Variants in PCDHGA2 observed in about 807,000 individuals in gnomAD.
The protein encoded by PCDHGA2 is protocadherin gamma-A2.
In PCDHGA2, 40 loss-of-function variants were observed where a neutral mutation model predicts 59.2. That is an observed-to-expected ratio of 0.68 (90% confidence interval 0.52 to 0.88). PCDHGA2 has a LOEUF of 0.88. PCDHGA2 is among the 40% of genes least tolerant of loss of function. The pLI is 0.00. For missense variants in PCDHGA2, 1,226 were observed against 1,204.0 expected, an observed-to-expected ratio of 1.02 and a Z score of -0.27; for synonymous variants, 560 against 526.0, an observed-to-expected ratio of 1.06 and a Z score of -0.89.
Position 141,372,598 on chromosome 5 carries a change from C to CTGTA in PCDHGA2, c.2424+31204_2424+31207dup, listed in dbSNP as rs763694061. The CTGTA allele has an allele frequency of 6.2e-6, 10 of 1,614,046 alleles. No individual in the cohort carries two copies. In the South Asian group the frequency reaches 1.1e-4, roughly 18 times the overall value. On this transcript the variant is annotated intron_variant, in intron 1 of 3. Coordinates refer to ENST00000394576, the MANE Select transcript of PCDHGA2 (RefSeq NM_018915.4). ...TTTCAGCCTGGTGTCTGCTTCAAGA[C>CTGTA]TGTACCTGGAGTTCTCCCCACCTAC...
chr5:141,507,781 C>A (rs2099863256), intron 3 of PCDHGA2, among the ~76,000 whole-genome samples: 1 of 152,214 alleles, frequency 6.6e-6, no homozygotes, highest in South Asian at 2.1e-4. Flanking sequence ...CAGGGCCTGA[C>A]CCTCGTCTAA....
chr5:141,339,825 C>T lies in PCDHGA2; in HGVS notation c.854C>T (p.Pro285Leu), dbSNP rs762635972. ...AQVVYFLEKSPGETSEVFELK... is the reference protein window; with the variant it reads ...AQVVYFLEKSLGETSEVFELK... Reference sequence around the variant, plus strand: ...GTGGTATATTTTCTAGAGAAAAGCCCTGGAGAAACCTCAGAGGTATTTGAG... The same window carrying T: ...GTGGTATATTTTCTAGAGAAAAGCCTTGGAGAAACCTCAGAGGTATTTGAG... The change falls in exon 1 of 4, where the codon CCT becomes CTT. Residue 285 changes from proline (P) to leucine (L), a missense_variant. Coordinates refer to ENST00000394576, the MANE Select transcript of PCDHGA2 (RefSeq NM_018915.4). 1 of 1,614,176 alleles carries T rather than the reference C, an allele frequency of 6.2e-7. No individual in the cohort carries two copies. The highest frequency in any genetic ancestry group is 2.2e-5 in the East Asian group (1 of 44,888).
intron 1 of PCDHGA2, chr5:141,423,709 C>G (rs2096768343): frequency 8.7e-7 from 1 of 1,147,590 alleles, no homozygotes; most frequent in African/African-American, 1.9e-5. Context: ...TGGCACAAGT[C>G]TTTTAAGGAG....
At position 141,491,117 on chromosome 5, in the gene PCDHGA2, G is replaced by A; in HGVS notation, c.2425-3690G>A. ...CTGTTCCTCGTGTCTACACACACTGGTGAGGTGCGCACAGCCCGGGCCTTA... is the reference window on the plus strand; with the variant it reads ...CTGTTCCTCGTGTCTACACACACTGATGAGGTGCGCACAGCCCGGGCCTTA... On this transcript the variant is annotated intron_variant, in intron 1 of 3. Coordinates refer to ENST00000394576, the MANE Select transcript of PCDHGA2 (RefSeq NM_018915.4). The surrounding 1 kb of genome is among the most constrained non-coding windows in gnomAD (Gnocchi z 6.9). 1 of 1,614,196 alleles carries A rather than the reference G, an allele frequency of 6.2e-7. No homozygotes were observed.
At chr5:141,404,102 T>C (rs1288980459) in intron 1 of PCDHGA2, 16 of 1,613,462 alleles carry the variant, frequency 9.9e-6, no homozygotes, top group Non-Finnish European at 8.5e-7. Context: ...TCAAGTTGTC[T>C]GTTCTATCCA....
At chr5:141,365,280 T>C (rs1298679649) in intron 1 of PCDHGA2, 2 of 1,614,018 alleles carry the variant, frequency 1.2e-6, no homozygotes, top group Admixed American at 1.7e-5. Context: ...TTCTACCTCA[T>C]GGAAGTGGTA....
At chr5:141,429,240 TGA>T (rs998506084) in intron 1 of PCDHGA2, 1 of 151,858 alleles carries the variant, frequency 6.6e-6, no homozygotes, top group Non-Finnish European at 1.5e-5. Context: ...CTGCTGTCAT[TGA>T]GATATTTTAA....
chr5:141,371,305 T>C lies in PCDHGA2; in HGVS notation c.2424+29910T>C, dbSNP rs772021444. 1.8e-5 allele frequency: 29 copies of C among 1,613,822 alleles called. No individual in the cohort carries two copies. Among genetic ancestry groups the C allele is most frequent in the African/African-American group, 2.7e-5 (2 of 74,920 alleles). ...AGTAAAACGGGGGAACTCACCACTATTGGAGAACTGGACTTTGAAGAGAGA... is the reference window on the plus strand; with the variant it reads ...AGTAAAACGGGGGAACTCACCACTACTGGAGAACTGGACTTTGAAGAGAGA... On this transcript the variant is annotated intron_variant, in intron 1 of 3. Transcript: ENST00000394576.
At chr5:141,419,411 C>T (rs757881409) in intron 1 of PCDHGA2, 7 of 1,613,344 alleles carry the variant, frequency 4.3e-6, no homozygotes, top group Non-Finnish European at 5.9e-6. Flanking sequence ...GTTCGCGCAG[C>T]GCGCCTTCGA....
At chr5:141,421,303 G>C in intron 1 of PCDHGA2, 1 of 1,613,660 alleles carries the variant, frequency 6.2e-7, no homozygotes, top group Non-Finnish European at 8.5e-7. Context: ...GACGCTGCGG[G>C]GGTTCCGGGC....
intron 1 of PCDHGA2, among the ~76,000 whole-genome samples, chr5:141,437,076 A>G (rs1018228245): frequency 6.6e-6 from 1 of 152,236 alleles, no homozygotes; most frequent in African/African-American, 2.4e-5. Flanking sequence ...TTTGGGCCAT[A>G]TAAGAATTGA....
chr5:141,471,564 T>C (rs1352708320), intron 1 of PCDHGA2: 1 of 152,184 alleles, frequency 6.6e-6, no homozygotes, highest in African/African-American at 2.4e-5. Context: ...GACTCAGGGG[T>C]AGCAGTAGAT....
Position 141,486,266 on chromosome 5 carries a change from C to G in PCDHGA2, c.2425-8541C>G, listed in dbSNP as rs1311684194. On this transcript the variant is annotated intron_variant, in intron 1 of 3. Transcript: ENST00000394576. The surrounding 1 kb of genome is among the most constrained non-coding windows in gnomAD (Gnocchi z 5.0). Reference sequence around the variant, plus strand: ...TGGAACCCTCCCCGAGAGTGCAGAACCTGGCACTGTGGTGGCACTTATCAG... The same window carrying G: ...TGGAACCCTCCCCGAGAGTGCAGAAGCTGGCACTGTGGTGGCACTTATCAG... 1 of 1,614,098 alleles carries G rather than the reference C, an allele frequency of 6.2e-7. No individual in the cohort carries two copies.
At chr5:141,460,666 C>G (rs1245201344) in intron 1 of PCDHGA2, among the ~76,000 whole-genome samples, 1 of 151,670 alleles carries the variant, frequency 6.6e-6, no homozygotes, top group South Asian at 2.1e-4. Context: ...ACTGTAAACA[C>G]AGTTATATAT....
At chr5:141,421,825 AG>A in intron 1 of PCDHGA2, 1 of 1,613,802 alleles carries the variant, frequency 6.2e-7, no homozygotes. Flanking sequence ...ACTGGAGGGA[AG>A]CCTGGACCGA....
chr5:141,375,065 C>A, intron 1 of PCDHGA2: 1 of 1,613,932 alleles, frequency 6.2e-7, no homozygotes, highest in Non-Finnish European at 8.5e-7. Flanking sequence ...GCCAGGTCTT[C>A]GAGACAGAGC....
intron 2 of PCDHGA2, among the ~76,000 whole-genome samples, chr5:141,500,666 G>A (rs567881941): frequency 3.6e-4 from 55 of 152,250 alleles, no homozygotes; most frequent in African/African-American, 1.3e-3. Context: ...AGGCCATACT[G>A]TCCAACAGAA....
intron 1 of PCDHGA2, chr5:141,414,150 A>C (rs750190499): frequency 6.2e-7 from 1 of 1,600,176 alleles, no homozygotes; most frequent in African/African-American, 1.3e-5. Context: ...AAATACAAGC[A>C]GAAGATGGAG....
At chr5:141,438,583 CATACATACATATATATATATATATATAT>C (rs1227221577) in intron 1 of PCDHGA2, among the ~76,000 whole-genome samples, 1 of 57,610 alleles carries the variant, frequency 1.7e-5, no homozygotes, top group African/African-American at 9.0e-5. Flanking sequence ...TACATACATA[CATACATACATATATATATATATATATAT>C]ATATATATAT....
Sources: gnomAD v4.1 joint callset for allele counts (sites outside exome capture counted in the v4.1 genomes callset) on GRCh38, gnomAD v4.1.1 for gene constraint, Gnocchi (gnomAD v3.1) non-coding constraint, MANE v1.5 for transcripts, NCBI Gene and HGNC (gene_info 2026-07-23, HGNC 2026-07-21) for gene names.